RASGEF1A: variants seen among roughly 807,000 people sequenced by gnomAD.
RASGEF1A encodes the protein ras-GEF domain-containing family member 1A.
RASGEF1A carries 18 observed loss-of-function variants against 56.4 expected under a neutral mutation model. That is an observed-to-expected ratio of 0.32 (90% CI 0.22 to 0.47). The LOEUF is 0.47. RASGEF1A is among the 20% of genes least tolerant of loss of function. RASGEF1A has a pLI of 1.00. For synonymous variants in RASGEF1A, 245 were observed against 242.6 expected, an observed-to-expected ratio of 1.01 and a Z score of -0.09; for missense variants, 422 against 627.1, an observed-to-expected ratio of 0.67 and a Z score of 3.49.
At chr10:43,230,096 G>C (rs926529621) in intron 1 of RASGEF1A, among the ~76,000 whole-genome samples, 43 of 152,152 alleles carry the variant, frequency 2.8e-4, no homozygotes, top group Non-Finnish European at 6.2e-4. Context: ...AGCGTGGGTC[G>C]GGGCTCGGCG....
In RASGEF1A at chr10:43,198,195, G is replaced by C; in HGVS notation, c.1033C>G (p.His345Asp). 1 of 1,607,282 alleles carries C rather than the reference G, an allele frequency of 6.2e-7. No homozygotes were observed. Among genetic ancestry groups the C allele is most frequent in the Non-Finnish European group, 8.5e-7 (1 of 1,174,766 alleles). ...AAGTTGCTGGACGGGTCCATGTGAT[G>C]CTGTGGGCACAGGGAGGACCTGGTG... ...VKTAKFDVLE[H>D]HMDPSSNFCN... The change falls in exon 10 of 13, where the codon CAT becomes GAT. Residue 345 changes from histidine (H) to aspartate (D), a missense_variant and splice_region_variant. Transcript: ENST00000395810.
At chr10:43,202,429 A>C (rs985938514) in intron 3 of RASGEF1A, among the ~76,000 whole-genome samples, 6 of 150,834 alleles carry the variant, frequency 4.0e-5, no homozygotes, top group South Asian at 2.2e-4. Flanking sequence ...GGCCTAGGGC[A>C]TGGGGACTGG....
At chr10:43,197,235 C>T in intron 10 of RASGEF1A, 136 bp from the exon 11 acceptor site, 6 of 1,028,802 alleles carry the variant, frequency 5.8e-6, no homozygotes, top group Non-Finnish European at 8.5e-6. Flanking sequence ...AGTGGCCCTG[C>T]ACGCTGACCC....
intron 1 of RASGEF1A, among the ~76,000 whole-genome samples, chr10:43,255,184 T>C (rs746198387): frequency 2.6e-5 from 4 of 152,076 alleles, no homozygotes; most frequent in Non-Finnish European, 5.9e-5. Flanking sequence ...GACAGCAGGA[T>C]CCAGGAAATC....
Position 43,199,781 on chromosome 10 carries a change from C to T in RASGEF1A, c.757-13G>A. On this transcript the variant is annotated splice_polypyrimidine_tract_variant and intron_variant, in intron 6 of 12. Transcript: ENST00000395810. ...GGTCCCCTCGGCACTGGAAAGGACA[C>T]AGCAGGTCATAGGGGGCCTGGAGGA... 2.5e-6 allele frequency: 4 copies of T among 1,610,156 alleles called. No individual in the cohort carries two copies.
rs1408594097 is a variant in RASGEF1A at position 43,203,354 on chromosome 10, G to A, written c.265C>T (p.Arg89Cys). ...VFMPPHDLLA[R>C]VGQICVEQKQ... ...TGCTCCACGCAGATCTGCCCCACGC[G>A]GGCCAGCAGGTCATGAGGGGGCATA... Residue 89 changes from arginine (R) to cysteine (C), a missense_variant, in exon 3 of 13, where the codon CGC becomes TGC. Physicochemically the swap from Arg to Cys is radical, Grantham distance 180. This residue lies in a region of RASGEF1A where 273 missense variants were observed against 339.9 expected (regional missense o/e 0.80). Coordinates refer to ENST00000395810, the MANE Select transcript of RASGEF1A (RefSeq NM_145313.4). The A allele has an allele frequency of 2.5e-6, 4 of 1,585,140 alleles. No homozygotes were observed. Among genetic ancestry groups the A allele is most frequent in the East Asian group, 4.6e-5 (2 of 43,476 alleles).
chr10:43,202,180 TA>T (rs557773058), intron 3 of RASGEF1A, among the ~76,000 whole-genome samples: 2 of 152,278 alleles, frequency 1.3e-5, no homozygotes, highest in Admixed American at 1.3e-4. Context: ...AAACTTATAT[TA>T]AAAAAACCCA....
intron 1 of RASGEF1A, among the ~76,000 whole-genome samples, chr10:43,252,831 G>A (rs913676077): frequency 4.6e-5 from 7 of 151,870 alleles, no homozygotes; most frequent in Non-Finnish European, 8.8e-5. Context: ...GGCAGCACCC[G>A]AGAGAGGACC....
chr10:43,201,986 G>C lies in RASGEF1A; in HGVS notation c.322-41C>G, dbSNP rs201250999. 7.7e-6 allele frequency: 12 copies of C among 1,558,888 alleles called. No homozygotes were observed. The East Asian group carries it at 2.5e-4, about 33-fold the overall frequency. Reference sequence around the variant, plus strand: ...ATACAGAGTAAGGCCCCACAGGGCAGAGTAGGGTACTAGATGGCAAATGGT... The same window carrying C: ...ATACAGAGTAAGGCCCCACAGGGCACAGTAGGGTACTAGATGGCAAATGGT... On this transcript the variant is annotated intron_variant, in intron 3 of 12. Transcript: ENST00000395810.
At chr10:43,240,024 A>G (rs1185832968) in intron 1 of RASGEF1A, among the ~76,000 whole-genome samples, 1 of 152,252 alleles carries the variant, frequency 6.6e-6, no homozygotes, top group Non-Finnish European at 1.5e-5. Context: ...GGCTGTGCAC[A>G]TGCTCAGAAA....
intron 1 of RASGEF1A, among the ~76,000 whole-genome samples, chr10:43,225,998 G>A (rs1013771133): frequency 9.2e-5 from 14 of 152,072 alleles, no homozygotes; most frequent in African/African-American, 2.2e-4. Context: ...GTCCCAGCCC[G>A]GAAGGCGGGT....
intron 1 of RASGEF1A, among the ~76,000 whole-genome samples, chr10:43,258,059 C>T (rs1836455165): frequency 6.6e-6 from 1 of 152,218 alleles, no homozygotes; most frequent in African/African-American, 2.4e-5. Flanking sequence ...CTGGGGTGAA[C>T]TCCTTCCCCA....
chr10:43,249,175 A>G (rs1354404547), intron 1 of RASGEF1A, among the ~76,000 whole-genome samples: 1 of 152,204 alleles, frequency 6.6e-6, no homozygotes, highest in Non-Finnish European at 1.5e-5. Context: ...GCAGGACGCC[A>G]TGGCTGAGAA....
chr10:43,198,211 G>C lies in RASGEF1A; in HGVS notation c.1033-16C>G, dbSNP rs371601227. 2 of 1,597,494 alleles carry C rather than the reference G, an allele frequency of 1.3e-6. No homozygotes were observed. Among genetic ancestry groups the C allele is most frequent in the African/African-American group, 2.7e-5 (2 of 74,722 alleles). ...CCATGTGATGCTGTGGGCACAGGGA[G>C]GACCTGGTGAGCATCACAGCCCCAT... On this transcript the variant is annotated splice_polypyrimidine_tract_variant and intron_variant, in intron 9 of 12. Transcript: ENST00000395810.
chr10:43,263,636 C>A (rs1000806727), intron 1 of RASGEF1A, among the ~76,000 whole-genome samples: 4 of 152,148 alleles, frequency 2.6e-5, no homozygotes, highest in African/African-American at 7.2e-5. Context: ...GGTCTCGGAG[C>A]CCCTGCTGGC....
At chr10:43,258,081 A>G (rs897381676) in intron 1 of RASGEF1A, among the ~76,000 whole-genome samples, 1 of 152,082 alleles carries the variant, frequency 6.6e-6, no homozygotes, top group Non-Finnish European at 1.5e-5. Flanking sequence ...TCAGGATCTC[A>G]GGCGAAAGCT....
At chr10:43,238,339 A>G (rs1039444074) in intron 1 of RASGEF1A, among the ~76,000 whole-genome samples, 2 of 152,142 alleles carry the variant, frequency 1.3e-5, no homozygotes, top group Admixed American at 6.5e-5. Context: ...GCAGAGTCAG[A>G]CCTGCCTTCA....
chr10:43,205,203 G>T (rs929468395), intron 2 of RASGEF1A, among the ~76,000 whole-genome samples: 5 of 152,166 alleles, frequency 3.3e-5, no homozygotes, highest in Non-Finnish European at 7.4e-5. Flanking sequence ...ATAGCATGAT[G>T]CGGGCAGGAC....
At chr10:43,265,031 G>T (rs1836599145) in intron 1 of RASGEF1A, among the ~76,000 whole-genome samples, 1 of 152,178 alleles carries the variant, frequency 6.6e-6, no homozygotes, top group African/African-American at 2.4e-5. Context: ...CTGTGTCCCA[G>T]TGCCCACTCG....
Sources: allele counts gnomAD v4.1 joint callset (sites outside exome capture counted in the v4.1 genomes callset), GRCh38; gene constraint gnomAD v4.1.1; regional missense constraint gnomAD v4.1.1; transcripts MANE v1.5; gene names NCBI Gene and HGNC (gene_info 2026-07-23, HGNC 2026-07-21).